The following SEMA5A variants were observed in gnomAD, a reference collection of about 807,000 sequenced individuals.
The protein encoded by SEMA5A is semaphorin 5A.
A neutral mutation model predicts 135.5 loss-of-function variants in SEMA5A; 55 were observed. The ratio of observed to expected loss-of-function variants is 0.41; its 90% confidence interval spans 0.33 to 0.51. SEMA5A has a LOEUF of 0.51. Among genes scored for constraint, SEMA5A ranks in the 20% least tolerant of loss-of-function variants. The pLI is 0.37. For synonymous variants in SEMA5A, 580 were observed against 546.5 expected, an observed-to-expected ratio of 1.06 and a Z score of -0.85; for missense variants, 1,290 against 1,419.9, an observed-to-expected ratio of 0.91 and a Z score of 1.47.
chr5:9,463,571 A>T (rs1353108004), intron 1 of SEMA5A, among the ~76,000 whole-genome samples: 1 of 152,072 alleles, frequency 6.6e-6, no homozygotes, highest in East Asian at 1.9e-4. Context: ...TCTAAACCAT[A>T]AAAAAACTCT....
chr5:9,077,494 A>G (rs907140207), intron 16 of SEMA5A, among the ~76,000 whole-genome samples: 1 of 152,254 alleles, frequency 6.6e-6, no homozygotes, highest in African/African-American at 2.4e-5. Context: ...CCAAAAAGTG[A>G]GCATTTCTAA....
chr5:9,055,144 T>C (rs1157475516), intron 18 of SEMA5A, among the ~76,000 whole-genome samples: 1 of 152,186 alleles, frequency 6.6e-6, no homozygotes, highest in South Asian at 2.1e-4. Flanking sequence ...AGTCCTTTAT[T>C]AGCTGATCTT....
chr5:9,343,372 G>A (rs1406839325), intron 3 of SEMA5A, among the ~76,000 whole-genome samples: 4 of 152,126 alleles, frequency 2.6e-5, no homozygotes, highest in African/African-American at 9.7e-5. Context: ...CTCCAATACA[G>A]GAGTTGGGGG....
intron 1 of SEMA5A, among the ~76,000 whole-genome samples, chr5:9,472,049 GGTTT>G (rs1391045791): frequency 1.3e-5 from 2 of 152,174 alleles, no homozygotes; most frequent in Non-Finnish European, 2.9e-5. Context: ...ACAACGTGCA[GGTTT>G]GTTACATATG....
intron 1 of SEMA5A, among the ~76,000 whole-genome samples, chr5:9,448,255 A>G (rs895314810): frequency 3.9e-5 from 6 of 152,222 alleles, no homozygotes; most frequent in African/African-American, 1.4e-4. Flanking sequence ...AAGTTCACCA[A>G]TTATTAAAGG....
At chr5:9,532,833 A>G (rs191222733) in intron 1 of SEMA5A, among the ~76,000 whole-genome samples, 37 of 152,252 alleles carry the variant, frequency 2.4e-4, no homozygotes, top group Non-Finnish European at 4.7e-4. Context: ...GAGAAGAGTG[A>G]GGGGAAAAAT....
chr5:9,358,571 G>A (rs1247358654), intron 3 of SEMA5A, among the ~76,000 whole-genome samples: 2 of 152,184 alleles, frequency 1.3e-5, no homozygotes, highest in Admixed American at 6.5e-5. Flanking sequence ...TGGCAGGTGC[G>A]CTGCTATGTC....
At chr5:9,477,351 A>G (rs1759706361) in intron 1 of SEMA5A, among the ~76,000 whole-genome samples, 1 of 152,228 alleles carries the variant, frequency 6.6e-6, no homozygotes, top group Non-Finnish European at 1.5e-5. Flanking sequence ...ATGTACCTAA[A>G]AATGTGGAAG....
intron 1 of SEMA5A, among the ~76,000 whole-genome samples, chr5:9,529,519 T>G (rs1737327190): frequency 6.6e-6 from 1 of 152,148 alleles, no homozygotes; most frequent in Non-Finnish European, 1.5e-5. Context: ...ACTAATATAT[T>G]TCAATTAAAA....
At chr5:9,245,848 C>A (rs374722549) in intron 5 of SEMA5A, among the ~76,000 whole-genome samples, 1 of 151,998 alleles carries the variant, frequency 6.6e-6, no homozygotes. Flanking sequence ...TTTAAGGAAC[C>A]AAATTTATCT....
intron 1 of SEMA5A, among the ~76,000 whole-genome samples, chr5:9,440,734 T>C (rs922326511): frequency 2.0e-5 from 3 of 152,384 alleles, no homozygotes; most frequent in Non-Finnish European, 2.9e-5. Context: ...TGCTAAAATA[T>C]GCAACCTTCT....
chr5:9,141,147 T>A (rs578158073), intron 12 of SEMA5A, among the ~76,000 whole-genome samples: 1 of 152,278 alleles, frequency 6.6e-6, no homozygotes, highest in East Asian at 1.9e-4. Flanking sequence ...ATGGGCAAAA[T>A]TCTGATGAGA....
chr5:9,427,106 T>C (rs1241924120), intron 2 of SEMA5A, among the ~76,000 whole-genome samples: 1 of 152,086 alleles, frequency 6.6e-6, no homozygotes, highest in East Asian at 1.9e-4. Flanking sequence ...AGGTCAGGAA[T>C]TCAAGATCTG....
intron 3 of SEMA5A, among the ~76,000 whole-genome samples, chr5:9,352,342 C>T (rs1471155465): frequency 2.8e-5 from 4 of 143,926 alleles, no homozygotes; most frequent in Non-Finnish European, 5.9e-5. Flanking sequence ...ATCTATCCAT[C>T]TATCTAGCTA....
At chr5:9,525,464 A>T (rs1473602220) in intron 1 of SEMA5A, among the ~76,000 whole-genome samples, 1 of 152,246 alleles carries the variant, frequency 6.6e-6, no homozygotes, top group Non-Finnish European at 1.5e-5. Context: ...TCTAATGAAG[A>T]AAAAAGGCTC....
intron 1 of SEMA5A, among the ~76,000 whole-genome samples, chr5:9,468,507 T>G (rs1333080651): frequency 6.6e-6 from 1 of 152,098 alleles, no homozygotes; most frequent in Non-Finnish European, 1.5e-5. Flanking sequence ...TAAAGAAATT[T>G]TAGAAAATAT....
intron 21 of SEMA5A, 70 bp from the exon 22 acceptor site, chr5:9,044,654 G>A: frequency 7.7e-7 from 1 of 1,293,318 alleles, no homozygotes; most frequent in East Asian, 2.3e-5. Context: ...AAAGCACTAG[G>A]ATGAAAAGAG....
intron 5 of SEMA5A, among the ~76,000 whole-genome samples, chr5:9,264,908 T>A (rs1409705702): frequency 1.3e-5 from 2 of 152,202 alleles, no homozygotes; most frequent in East Asian, 3.9e-4. Context: ...GAGGGTGCAG[T>A]GGGGAAGAAT....
chr5:9,378,930 G>C (rs1283284456), intron 3 of SEMA5A, among the ~76,000 whole-genome samples: 1 of 149,832 alleles, frequency 6.7e-6, no homozygotes, highest in East Asian at 1.9e-4. Flanking sequence ...AAAATTATTT[G>C]ATTTTTTTTT....
Sources: allele counts gnomAD v4.1 joint callset (sites outside exome capture counted in the v4.1 genomes callset), GRCh38; gene constraint gnomAD v4.1.1; transcripts MANE v1.5; gene names NCBI Gene and HGNC (gene_info 2026-07-23, HGNC 2026-07-21).